TMEM260: variants seen among roughly 807,000 people sequenced by gnomAD.
TMEM260 encodes the protein protein O-mannosyl-transferase TMEM260.
TMEM260 carries 82 observed loss-of-function variants against 88.9 expected under a neutral mutation model. That is an observed-to-expected ratio of 0.92 (90% CI 0.77 to 1.11). TMEM260 has a LOEUF of 1.11. Among genes scored for constraint, TMEM260 ranks in the 50% least tolerant of loss-of-function variants. TMEM260 has a pLI of 0.00. For missense variants in TMEM260, 902 were observed against 853.4 expected (o/e 1.06, Z -0.71); for synonymous variants, 314 against 309.3 (o/e 1.02, Z -0.16).
chr14:56,648,516 T>G lies in TMEM260; in HGVS notation c.*1019T>G, dbSNP rs540116625. ...TAGCTCCTAGACTCCAAGCACTATA[T>G]AGGCCCCTGTATAGAAATGCTCACT... On this transcript the variant is annotated 3_prime_UTR_variant, in exon 16 of 16. Transcript: ENST00000261556. 6 of 152,738 alleles carry G rather than the reference T, an allele frequency of 3.9e-5. No individual in the cohort carries two copies. The highest frequency in any genetic ancestry group is 8.8e-5 in the Non-Finnish European group (6 of 68,044). 9.5% of individuals were successfully genotyped at this position (152,738 alleles called of 1,614,324 possible). A position where few individuals can be genotyped will look rare whatever the true frequency, so the allele number is the denominator to read the frequency against.
At chr14:56,619,212 C>T (rs779196900) in intron 10 of TMEM260, 19 of 159,286 alleles carry the variant, frequency 1.2e-4, no homozygotes, top group Non-Finnish European at 2.2e-4. Context: ...TATTCTGTCC[C>T]CTAGGCTGGA....
Position 56,642,057 on chromosome 14 carries a change from T to G in TMEM260, c.1870-5186T>G, listed in dbSNP as rs550807328. Among the ~76,000 whole-genome samples the G allele has an allele frequency of 2.0e-5, 3 of 152,260 alleles. No individual in the cohort carries two copies. The East Asian group carries it at 5.8e-4, about 29-fold the overall frequency. On this transcript the variant is annotated intron_variant, in intron 15 of 15. Transcript: ENST00000261556. ...GACTTAGACTCCCACACAATAATAA[T>G]GGGAGACTTTAACACCCCACTGTCA...
intron 1 of TMEM260, among the ~76,000 whole-genome samples, chr14:56,583,166 T>G (rs1395795409): frequency 6.6e-6 from 1 of 152,190 alleles, no homozygotes; most frequent in Admixed American, 6.5e-5. Context: ...AGCTAAAGAC[T>G]TAAGAGCTAA....
At chr14:56,655,461 A>G (rs1285203692), downstream of TMEM260, among the ~76,000 whole-genome samples, 1 of 152,130 alleles carries the variant, frequency 6.6e-6, no homozygotes, top group Non-Finnish European at 1.5e-5. Flanking sequence ...AAGAAACGAA[A>G]ATCCCCTTCT....
chr14:56,634,369 T>C (rs1888864524), intron 13 of TMEM260, among the ~76,000 whole-genome samples: 3 of 152,222 alleles, frequency 2.0e-5, no homozygotes, highest in African/African-American at 7.2e-5. Flanking sequence ...TTCTGTTTGC[T>C]CTCTTGAGGC....
chr14:56,581,243 C>T (rs2139487178), intron 1 of TMEM260, among the ~76,000 whole-genome samples: 1 of 152,282 alleles, frequency 6.6e-6, no homozygotes, highest in Admixed American at 6.5e-5. Context: ...AAACCCAACC[C>T]ATATTCAAGG....
At chr14:56,656,294 C>T in the TMEM260 span, among the ~76,000 whole-genome samples, 1 of 152,072 alleles carries the variant, frequency 6.6e-6, no homozygotes, top group East Asian at 1.9e-4. Context: ...TGTCGTGTGC[C>T]TGTGGTCCCA....
the TMEM260 span, among the ~76,000 whole-genome samples, chr14:56,658,175 TTCCA>T: frequency 1.3e-5 from 2 of 152,220 alleles, no homozygotes. Context: ...CAGGCCCTGC[TTCCA>T]CAAAGCAATG....
At chr14:56,658,866 A>C in the TMEM260 span, among the ~76,000 whole-genome samples, 2 of 151,828 alleles carry the variant, frequency 1.3e-5, no homozygotes, top group Non-Finnish European at 2.9e-5. Flanking sequence ...AAGTAGCTGG[A>C]ATTACAGGCA....
chr14:56,611,893 A>G (rs2139574403), intron 6 of TMEM260, among the ~76,000 whole-genome samples: 1 of 152,330 alleles, frequency 6.6e-6, no homozygotes, highest in Middle Eastern at 3.4e-3. Context: ...TAAGCGAACT[A>G]ATGCAGGAGC....
intron 11 of TMEM260, among the ~76,000 whole-genome samples, chr14:56,625,141 A>G (rs919322162): frequency 7.9e-5 from 12 of 152,190 alleles, no homozygotes; most frequent in Non-Finnish European, 2.9e-5. Flanking sequence ...CTGGGGAGTC[A>G]AATGCGGGAG....
At chr14:56,588,411 G>A (rs1345306220) in intron 3 of TMEM260, among the ~76,000 whole-genome samples, 1 of 151,966 alleles carries the variant, frequency 6.6e-6, no homozygotes. Context: ...TAAATGTGTT[G>A]ATGTAAAAAG....
At chr14:56,653,747 A>AAAAAAAAACAAAAC (rs1555343548), downstream of TMEM260, among the ~76,000 whole-genome samples, 1 of 146,714 alleles carries the variant, frequency 6.8e-6, no homozygotes, top group African/African-American at 2.7e-5. Context: ...AAAACAAAAA[A>AAAAAAAAACAAAAC]AAAAAAAACA....
At chr14:56,604,311 A>G (rs1886759963) in intron 4 of TMEM260, among the ~76,000 whole-genome samples, 1 of 151,378 alleles carries the variant, frequency 6.6e-6, no homozygotes, top group South Asian at 2.1e-4. Context: ...ATATTATCAG[A>G]AGGTGCCAAG....
chr14:56,618,304 C>T (rs117280071), intron 9 of TMEM260, among the ~76,000 whole-genome samples: 2 of 152,194 alleles, frequency 1.3e-5, no homozygotes, highest in Admixed American at 6.5e-5. Context: ...AAGCATTTCT[C>T]TAACTCCTTC....
At chr14:56,660,172 G>A in the TMEM260 span, among the ~76,000 whole-genome samples, 1 of 152,332 alleles carries the variant, frequency 6.6e-6, no homozygotes, top group East Asian at 1.9e-4. Flanking sequence ...CATTGTGTGT[G>A]TTGGTGACTT....
At chr14:56,619,509 C>G (rs1887784010) in intron 10 of TMEM260, 1 of 152,092 alleles carries the variant, frequency 6.6e-6, no homozygotes, top group African/African-American at 2.4e-5. Context: ...AGTTTCTTAA[C>G]TCATATATTA....
At chr14:56,620,142 T>A (rs1015089003) in intron 10 of TMEM260, among the ~76,000 whole-genome samples, 5 of 151,788 alleles carry the variant, frequency 3.3e-5, no homozygotes, top group Admixed American at 6.6e-5. Context: ...TACTTGAGAG[T>A]GGAGGCTGGG....
chr14:56,624,674 T>C (rs1449680518), intron 11 of TMEM260, among the ~76,000 whole-genome samples: 1 of 152,158 alleles, frequency 6.6e-6, no homozygotes, highest in Admixed American at 6.5e-5. Context: ...GCTCACAGTC[T>C]GGTGAGGAAC....
Sources: allele counts gnomAD v4.1 joint callset (sites outside exome capture counted in the v4.1 genomes callset), GRCh38; gene constraint gnomAD v4.1.1; transcripts MANE v1.5; gene names NCBI Gene and HGNC (gene_info 2026-07-23, HGNC 2026-07-21).